ZNF474: variants seen among roughly 807,000 people sequenced by gnomAD.
ZNF474 encodes the protein 4933409D10Rik.
For synonymous variants in ZNF474, 192 were observed against 162.2 expected (o/e 1.18, Z -1.39); for missense variants, 511 against 433.8 (o/e 1.18, Z -1.58).
intron 1 of ZNF474, among the ~76,000 whole-genome samples, chr5:122,149,166 T>A (rs1013089705): frequency 6.6e-6 from 1 of 152,144 alleles, no homozygotes; most frequent in Non-Finnish European, 1.5e-5. Flanking sequence ...GAGGAAGGGC[T>A]GAAAAACTAC....
rs1406035100 is a variant in ZNF474, at chr5:122,152,794, C to T, written c.804C>T (p.Pro268=). Residue 268 remains proline (P), a synonymous_variant, in exon 2 of 2, where the codon CCC becomes CCT. Coordinates refer to ENST00000296600, the MANE Select transcript of ZNF474 (RefSeq NM_207317.3). ...LHQPLPQKPQ[P]LPNAQSSQAG... Reference sequence around the variant, plus strand: ...AGCCACTCCCACAGAAGCCTCAGCCCCTTCCGAATGCACAGTCCAGCCAAG... The same window carrying T: ...AGCCACTCCCACAGAAGCCTCAGCCTCTTCCGAATGCACAGTCCAGCCAAG... 2.5e-6 allele frequency: 4 copies of T among 1,614,178 alleles called. No homozygotes were observed. Among genetic ancestry groups the T allele is most frequent in the Middle Eastern group, 1.6e-4 (1 of 6,062 alleles).
chr5:122,139,336 A>G, intron 1 of ZNF474, among the ~76,000 whole-genome samples: 1 of 152,218 alleles, frequency 6.6e-6, no homozygotes, highest in East Asian at 1.9e-4. Flanking sequence ...ATTTAAATTA[A>G]CATTACCCAT....
At position 122,152,421 on chromosome 5, in the gene ZNF474, G is replaced by T. The variant is rs1359593290; in HGVS notation, c.431G>T (p.Ser144Ile). Residue 144 changes from serine (S) to isoleucine (I), a missense_variant, in exon 2 of 2, where the codon AGC becomes ATC. Coordinates refer to ENST00000296600, the MANE Select transcript of ZNF474 (RefSeq NM_207317.3). ...PEPSKPQSLS[S>I]SGSYSLQATN... ...CCCTCCAAACCACAGTCTCTCAGCA[G>T]CAGTGGGTCCTACAGTCTTCAGGCA... The T allele has an allele frequency of 6.8e-6, 11 of 1,614,192 alleles. No homozygotes were observed. The highest frequency in any genetic ancestry group is 9.3e-6 in the Non-Finnish European group (11 of 1,180,040).
chr5:122,152,366 A>C lies in ZNF474; in HGVS notation c.376A>C (p.Lys126Gln). ...CLQKWHIENS[K>Q]LPKHLRRPEP... is the part of the protein sequence containing the mutation. ...GCAGAAGTGGCATATTGAAAACAGC[A>C]AGTTGCCCAAGCATTTGAGGAGGCC... is the stretch of plus-strand genomic sequence containing the variant. The change falls in exon 2 of 2, where the codon AAG becomes CAG. Residue 126 changes from lysine (K) to glutamine (Q), a missense_variant. Coordinates refer to ENST00000296600, the MANE Select transcript of ZNF474 (RefSeq NM_207317.3). The C allele has an allele frequency of 6.2e-7, 1 of 1,614,160 alleles. No homozygotes were observed. The highest frequency in any genetic ancestry group is 8.5e-7 in the Non-Finnish European group (1 of 1,180,020).
Position 122,152,195 on chromosome 5 carries a change from T to C in ZNF474, c.205T>C (p.Ser69Pro), listed in dbSNP as rs1270786327. Residue 69 changes from serine to proline, a missense_variant, in exon 2 of 2, where the codon TCA becomes CCA. By Grantham distance (74) the Ser-to-Pro change is moderately conservative (BLOSUM62 -1). Transcript: ENST00000296600. Reference sequence around the variant, plus strand: ...AAAGAGACCTGGGACTGTGATACTATCAAAACTGTCAAGTAGAAGAATTAT... The same window carrying C: ...AAAGAGACCTGGGACTGTGATACTACCAAAACTGTCAAGTAGAAGAATTAT... ...QKKRPGTVIL[S>P]KLSSRRIISE... is the part of the protein sequence containing the mutation. 6.2e-7 allele frequency: 1 copy of C among 1,613,882 alleles called. No individual in the cohort carries two copies. The highest frequency in any genetic ancestry group is 8.5e-7 in the Non-Finnish European group (1 of 1,180,020).
rs761668600 is a variant in ZNF474 at position 122,151,998 on chromosome 5, G to C, written c.8G>C (p.Arg3Thr). Residue 3 changes from arginine (R) to threonine (T), a missense_variant, in exon 2 of 2, where the codon AGA becomes ACA. Physicochemically the swap from Arg to Thr is moderately conservative, Grantham distance 71. Transcript: ENST00000296600. Reference protein sequence around the residue: MERGKKKRISNKL... With the variant: METGKKKRISNKL... ...AGAAAGACATCTTTGTTAATGGAAAGAGGAAAGAAGAAAAGAATTTCCAAT... is the reference window on the plus strand; with the variant it reads ...AGAAAGACATCTTTGTTAATGGAAACAGGAAAGAAGAAAAGAATTTCCAAT... 7 of 1,607,828 alleles carry C rather than the reference G, an allele frequency of 4.4e-6. No homozygotes were observed. Among genetic ancestry groups the C allele is most frequent in the Admixed American group, 1.7e-5 (1 of 58,562 alleles).
rs368273210 is a variant in ZNF474, at chr5:122,141,300, A to ATTTTTTTTTTTTTTT, written c.-212-10468_-212-10454dup. On this transcript the variant is annotated intron_variant, in intron 1 of 1. Coordinates refer to ENST00000296600, the MANE Select transcript of ZNF474 (RefSeq NM_207317.3). ...CGAGTAGCTGGGATTACCCCTGGCTATTTTTTTTTTTTTTTTTTTTTTTTT... is the reference window on the plus strand; with the variant it reads ...CGAGTAGCTGGGATTACCCCTGGCTATTTTTTTTTTTTTTTTTTTTTTTTTTTTTTTTTTTTTTTT... Among the ~76,000 whole-genome samples, 13 of 64,360 alleles carry ATTTTTTTTTTTTTTT rather than the reference A, an allele frequency of 2.0e-4. 1 individual carries two copies. The highest frequency in any genetic ancestry group is 8.1e-4 in the African/African-American group (11 of 13,586). The allele number at this position is 64,360 out of a possible 152,430, so 42.2% of individuals were successfully genotyped here.
At chr5:122,144,054 A>G (rs776958839) in intron 1 of ZNF474, among the ~76,000 whole-genome samples, 24 of 152,056 alleles carry the variant, frequency 1.6e-4, no homozygotes, top group Admixed American at 2.6e-4. Context: ...TTATGTATAT[A>G]TTATCTTCTA....
At chr5:122,142,996 C>T (rs1479714097) in intron 1 of ZNF474, among the ~76,000 whole-genome samples, 1 of 152,120 alleles carries the variant, frequency 6.6e-6, no homozygotes, top group Admixed American at 6.6e-5. Context: ...TCCTCAGAAA[C>T]AGCTTTGGGT....
intron 1 of ZNF474, among the ~76,000 whole-genome samples, chr5:122,142,928 G>A (rs185772708): frequency 2.5e-3 from 377 of 152,252 alleles, no homozygotes; most frequent in Non-Finnish European, 4.2e-3. Context: ...CATGCACACA[G>A]CAGAGACCCA....
At chr5:122,145,726 T>C (rs1388531951) in intron 1 of ZNF474, among the ~76,000 whole-genome samples, 1 of 152,222 alleles carries the variant, frequency 6.6e-6, no homozygotes, top group African/African-American at 2.4e-5. Context: ...GAGTTGAGGA[T>C]TAAATGTTCA....
At position 122,152,343 on chromosome 5, in the gene ZNF474, A is replaced by C; in HGVS notation, c.353A>C (p.Gln118Pro). ...GCCATTCATGAACCCCAGTGCTTGCAGAAGTGGCATATTGAAAACAGCAAG... is the reference window on the plus strand; with the variant it reads ...GCCATTCATGAACCCCAGTGCTTGCCGAAGTGGCATATTGAAAACAGCAAG... ...SIAIHEPQCLQKWHIENSKLP... is the reference protein window; with the variant it reads ...SIAIHEPQCLPKWHIENSKLP... Residue 118 changes from glutamine (Q) to proline (P), a missense_variant, in exon 2 of 2, where the codon CAG becomes CCG. By Grantham distance (76) the Gln-to-Pro change is moderately conservative. Transcript: ENST00000296600. 5 of 1,614,216 alleles carry C rather than the reference A, an allele frequency of 3.1e-6. No homozygotes were observed. The highest frequency in any genetic ancestry group is 3.4e-6 in the Non-Finnish European group (4 of 1,180,036).
intron 1 of ZNF474, among the ~76,000 whole-genome samples, chr5:122,141,531 T>C (rs773275924): frequency 6.6e-6 from 1 of 151,968 alleles, no homozygotes; most frequent in Non-Finnish European, 1.5e-5. Flanking sequence ...ATGTTCTTGA[T>C]CTCTTGACCT....
intron 1 of ZNF474, among the ~76,000 whole-genome samples, chr5:122,143,167 G>T (rs60661197): frequency 0.025 from 3,828 of 152,230 alleles, 162 homozygotes; most frequent in African/African-American, 0.088. Context: ...TGATGTATCA[G>T]AAAGGTTCCT....
At chr5:122,144,322 A>G (rs1437299007) in intron 1 of ZNF474, among the ~76,000 whole-genome samples, 4 of 152,202 alleles carry the variant, frequency 2.6e-5, no homozygotes, top group Admixed American at 1.3e-4. Flanking sequence ...ATGTCCCCAC[A>G]GGACACTTTC....
chr5:122,149,680 T>C (rs1014656329), intron 1 of ZNF474, among the ~76,000 whole-genome samples: 3 of 152,180 alleles, frequency 2.0e-5, no homozygotes, highest in Non-Finnish European at 4.4e-5. Flanking sequence ...TCTTTACTTA[T>C]AAAGTTGAAA....
At chr5:122,143,095 C>T (rs1283451734) in intron 1 of ZNF474, among the ~76,000 whole-genome samples, 5 of 152,134 alleles carry the variant, frequency 3.3e-5, no homozygotes, top group Non-Finnish European at 7.4e-5. Flanking sequence ...CCAGGAGGCA[C>T]TGACCTCCTG....
rs1391822191 is a variant in ZNF474 at position 122,152,486 on chromosome 5, C to A, written c.496C>A (p.Leu166Met). ...AAFQSAQAQL[L>M]PCESCGRTFL... The stretch of plus-strand genomic sequence containing the variant: ...ATTTCAGAGTGCCCAGGCTCAGCTG[C>A]TGCCCTGTGAATCCTGTGGCCGCAC... Residue 166 changes from leucine (L) to methionine (M), a missense_variant, in exon 2 of 2, where the codon CTG becomes ATG. Transcript: ENST00000296600. 7.4e-6 allele frequency: 12 copies of A among 1,614,114 alleles called. No individual in the cohort carries two copies. The highest frequency in any genetic ancestry group is 9.3e-6 in the Non-Finnish European group (11 of 1,180,050).
chr5:122,141,152 TTTATTTTATTTTATTTTATTTTTG>T (rs1337148638), intron 1 of ZNF474, among the ~76,000 whole-genome samples: 10,322 of 55,152 alleles, frequency 0.19, 1,053 homozygotes, highest in Admixed American at 0.3. Flanking sequence ...TTTATTTTAT[TTTATTTTATTTTATTTTATTTTTG>T]GAAACAGTCT....
Sources: gnomAD v4.1 joint callset for allele counts (sites outside exome capture counted in the v4.1 genomes callset) on GRCh38, gnomAD v4.1.1 for gene constraint, MANE v1.5 for transcripts, NCBI Gene and HGNC (gene_info 2026-07-23, HGNC 2026-07-21) for gene names.